The following ZNF880 variants were observed in gnomAD, a reference collection of about 807,000 sequenced individuals.
ZNF880 encodes zinc finger protein 880, also known as zinc finger protein LOC400713.
Under a neutral mutation model 11.8 loss-of-function variants are expected in ZNF880, and 12 were observed. The observed-to-expected ratio is 1.02, with a 90% CI of 0.65 to 1.65. The LOEUF (loss-of-function observed/expected upper bound fraction) is 1.65. ZNF880 is among the 40% of genes most tolerant of loss of function. ZNF880 has a pLI of 0.00. For missense variants in ZNF880, 601 were observed against 673.9 expected (o/e 0.89, Z 1.20); for synonymous variants, 210 against 232.4 (o/e 0.90, Z 0.88).
At chr19:52,374,534 A>G in intron 3 of ZNF880, 107 bp downstream of exon 3, 4 of 1,365,906 alleles carry the variant, frequency 2.9e-6, no homozygotes, top group Non-Finnish European at 4.1e-6. Flanking sequence ...ATCAGTGGCA[A>G]TCGTGGCTTA....
downstream of ZNF880, chr19:52,390,146 G>A (rs967286427): frequency 7.2e-5 from 12 of 167,830 alleles, no homozygotes; most frequent in Non-Finnish European, 5.3e-5. Flanking sequence ...TGTCCCCCGT[G>A]CTTCTGCCAC....
At chr19:52,397,525 T>C in the ZNF880 span, 1 of 152,236 alleles carries the variant, frequency 6.6e-6, no homozygotes, top group Non-Finnish European at 1.5e-5. Flanking sequence ...CTTTCTCTTT[T>C]TCAACTTCTC....
At chr19:52,369,804 G>C (rs1986300362), upstream of ZNF880, 2 of 771,358 alleles carry the variant, frequency 2.6e-6, no homozygotes, top group Non-Finnish European at 4.4e-6. Context: ...AGTTCTTCCA[G>C]TCTCCACGGC....
In ZNF880 at chr19:52,383,870, G is replaced by A; in HGVS notation, c.290G>A (p.Ser97Asn). Residue 97 changes from serine (S) to asparagine (N), a missense_variant, in exon 4 of 4, where the codon AGC becomes AAC. By Grantham distance (46) the Ser-to-Asn change is conservative (BLOSUM62 1). Around this residue, in one of 3 missense-constraint regions of ZNF880, gnomAD observed 420 missense variants for 442.6 expected, o/e 0.95. Transcript: ENST00000422689. ...TTAGAGAGCAGCTCTAAATTGGGAA[G>A]CAATGCCGGAAACAAGTCTCTTAAA... Reference protein sequence around the residue: ...VNAESSSKLGSNAGNKSLKNQ... With the variant: ...VNAESSSKLGNNAGNKSLKNQ... The A allele has an allele frequency of 6.5e-7, 1 of 1,544,330 alleles. No homozygotes were observed. The highest frequency in any genetic ancestry group is 8.7e-7 in the Non-Finnish European group (1 of 1,147,368).
chr19:52,374,477 T>A lies in ZNF880; in HGVS notation c.268+50T>A, dbSNP rs78098407. 3.3e-5 allele frequency: 50 copies of A among 1,530,616 alleles called. 1 individual carries two copies. In the Middle Eastern group the frequency reaches 1.0e-3, roughly 31 times the overall value. The allele number at this position is 1,530,616 out of a possible 1,614,324, so 94.8% of individuals were successfully genotyped here. On this transcript the variant is annotated intron_variant, in intron 3 of 3. Transcript: ENST00000422689. ...GAGGCCCCATAATTTTTTTTTTTTT[T>A]AAACAGGGTCTTGCTCTGTCACCCA...
intron 3 of ZNF880, among the ~76,000 whole-genome samples, chr19:52,381,839 AC>A (rs1986716137): frequency 6.6e-6 from 1 of 152,152 alleles, no homozygotes; most frequent in Non-Finnish European, 1.5e-5. Context: ...AACTTTAGGT[AC>A]AGAAAGGTCT....
At chr19:52,369,833 G>C (rs1319042841), upstream of ZNF880, 6 of 1,189,986 alleles carry the variant, frequency 5.0e-6, no homozygotes, top group Non-Finnish European at 7.3e-6. Context: ...CCTCCAAAAC[G>C]AGACGAGCTG....
At chr19:52,392,743 C>CA in the ZNF880 span, 4 of 227,356 alleles carry the variant, frequency 1.8e-5, no homozygotes, top group East Asian at 1.1e-4. Context: ...GGGAAAATAG[C>CA]AAAAAAATCC....
At chr19:52,372,979 G>T in intron 1 of ZNF880, 132 bp from the exon 2 acceptor site, 2 of 608,566 alleles carry the variant, frequency 3.3e-6, no homozygotes, top group African/African-American at 2.1e-5. Flanking sequence ...AACACAATTA[G>T]AAACATATAA....
rs542226495 is a variant in ZNF880, at chr19:52,371,087, ATTG to A, written c.12+1113_12+1115del. ...GATGAGTGCACAGATGAGCAAGTCT[ATTG>A]TTTTTATCAAAGGCGCATCATCAGT... On this transcript the variant is annotated intron_variant, in intron 1 of 3. Transcript: ENST00000422689. Among the ~76,000 whole-genome samples, 224 of 152,298 alleles carry A rather than the reference ATTG, an allele frequency of 1.5e-3. 2 individuals carry two copies. The highest frequency in any genetic ancestry group is 0.014 in the East Asian group (73 of 5,190).
At chr19:52,370,106 C>T in intron 1 of ZNF880, 129 bp downstream of exon 1, 1 of 1,238,258 alleles carries the variant, frequency 8.1e-7, no homozygotes, top group Admixed American at 2.0e-5. Context: ...TAAACTCAGA[C>T]GTTCTAATGA....
chr19:52,386,002 C>T (rs948613862), downstream of ZNF880, among the ~76,000 whole-genome samples: 4 of 141,422 alleles, frequency 2.8e-5, no homozygotes, highest in African/African-American at 1.1e-4. Context: ...GGTGAAACCC[C>T]ATCTCTACTA....
intron 3 of ZNF880, among the ~76,000 whole-genome samples, chr19:52,376,509 C>CTTTTTTTTTTTTTTTTTTTTT (rs869288387): frequency 1.7e-5 from 1 of 58,324 alleles, no homozygotes; most frequent in Non-Finnish European, 2.9e-5. Context: ...CCCCCCCCCC[C>CTTTTTTTTTTTTTTTTTTTTT]TTTTTTTTTT....
At chr19:52,377,782 C>T (rs945950024) in intron 3 of ZNF880, among the ~76,000 whole-genome samples, 2 of 152,144 alleles carry the variant, frequency 1.3e-5, no homozygotes, top group Admixed American at 1.3e-4. Flanking sequence ...GGTGTGCCAC[C>T]CTCCAGGCAC....
chr19:52,370,501 A>G (rs1712169518), intron 1 of ZNF880: 1 of 154,716 alleles, frequency 6.5e-6, no homozygotes, highest in South Asian at 1.9e-4. Context: ...CTTTTGCACC[A>G]ACCTAATATT....
chr19:52,373,669 A>ATTTTTTTTT (rs35788651), intron 2 of ZNF880, among the ~76,000 whole-genome samples: 2 of 102,578 alleles, frequency 1.9e-5, no homozygotes, highest in African/African-American at 3.8e-5. Context: ...AAATACTGTA[A>ATTTTTTTTT]TTTTTTTTTT....
At chr19:52,375,155 T>C (rs1373133943) in intron 3 of ZNF880, among the ~76,000 whole-genome samples, 1 of 146,242 alleles carries the variant, frequency 6.8e-6, no homozygotes, top group Non-Finnish European at 1.5e-5. Flanking sequence ...CAAACTAGTA[T>C]TGGTTTTTTT....
At chr19:52,370,246 CTA>C in intron 1 of ZNF880, 1 of 510,962 alleles carries the variant, frequency 2.0e-6, no homozygotes, top group Non-Finnish European at 3.5e-6. Context: ...TCAGTGACCC[CTA>C]GACACGGCCC....
intron 2 of ZNF880, among the ~76,000 whole-genome samples, 158 bp downstream of exon 2, chr19:52,373,395 G>A (rs1986451265): frequency 6.6e-6 from 1 of 152,114 alleles, no homozygotes; most frequent in African/African-American, 2.4e-5. Flanking sequence ...TTATAATGCT[G>A]TATTTTTCAG....
Sources: allele counts gnomAD v4.1 joint callset (sites outside exome capture counted in the v4.1 genomes callset), GRCh38; gene constraint gnomAD v4.1.1; regional missense constraint gnomAD v4.1.1; transcripts MANE v1.5; gene names NCBI Gene and HGNC (gene_info 2026-07-23, HGNC 2026-07-21).